Variants in SPG7 observed in about 807,000 individuals in gnomAD.
The protein encoded by SPG7 is mitochondrial inner membrane m-AAA protease component paraplegin.
Under a neutral mutation model 81.9 loss-of-function variants are expected in SPG7, and 103 were observed. The observed-to-expected ratio is 1.26, with a 90% CI of 1.07 to 1.48. SPG7 has a LOEUF of 1.48. Ranked by LOEUF, SPG7 falls within the 40% of genes most tolerant of loss-of-function variation. SPG7 has a pLI of 0.00. For synonymous variants in SPG7, 534 were observed against 444.2 expected (o/e 1.20, Z -2.54); for missense variants, 1,241 against 1,087.3 (o/e 1.14, Z -1.99).
intron 10 of SPG7, chr16:89,545,179 G>GCGTGGGCTCTGGGGA (rs1457710848): frequency 8.7e-6 from 3 of 345,368 alleles, no homozygotes; most frequent in African/African-American, 6.4e-5. Context: ...TCCATCCGTA[G>GCGTGGGCTCTGGGGA]CGTGGGCTCT....
Position 89,508,456 on chromosome 16 carries a change from G to A in SPG7, c.39G>A (p.Arg13=). 2.0e-6 allele frequency: 3 copies of A among 1,504,408 alleles called. No individual in the cohort carries two copies. Among genetic ancestry groups the A allele is most frequent in the Non-Finnish European group, 2.6e-6 (3 of 1,133,688 alleles). 93.2% of individuals were successfully genotyped at this position (1,504,408 alleles called of 1,614,324 possible). A position where few individuals can be genotyped will look rare whatever the true frequency, so the allele number is the denominator to read the frequency against. ...TGCTGCTGCTCCGTGCCCTCCGCCGGGGTCCAGGCCCGGGTCCTCGGCCGC... is the reference window on the plus strand; with the variant it reads ...TGCTGCTGCTCCGTGCCCTCCGCCGAGGTCCAGGCCCGGGTCCTCGGCCGC... ...VLLLLLRALR[R]GPGPGPRPLW... Residue 13 remains arginine (R), a synonymous_variant, in exon 1 of 17, where the codon CGG becomes CGA. Coordinates refer to ENST00000645818, the MANE Select transcript of SPG7 (RefSeq NM_003119.4).
At chr16:89,510,234 C>G (rs1166941723) in intron 1 of SPG7, among the ~76,000 whole-genome samples, 1 of 152,090 alleles carries the variant, frequency 6.6e-6, no homozygotes, top group African/African-American at 2.4e-5. Flanking sequence ...CTCAGCCTCC[C>G]AAAGTGTTGG....
intron 3 of SPG7, among the ~76,000 whole-genome samples, chr16:89,516,288 G>A (rs1007619170): frequency 5.3e-5 from 8 of 151,480 alleles, no homozygotes; most frequent in African/African-American, 9.7e-5. Flanking sequence ...ACGCCCGGCC[G>A]TTCGTTTTTT....
intron 11 of SPG7, 193 bp downstream of exon 11, chr16:89,546,953 G>A (rs1253824172): frequency 2.0e-5 from 12 of 597,540 alleles, no homozygotes; most frequent in Non-Finnish European, 3.1e-5. Context: ...CCCGCACTCC[G>A]TCCTCCGCCC....
At chr16:89,545,270 C>T (rs1214591688) in intron 10 of SPG7, 2 of 261,930 alleles carry the variant, frequency 7.6e-6, no homozygotes, top group African/African-American at 4.5e-5. Flanking sequence ...CCTCCTCTGT[C>T]ACAGGGCTCT....
intron 16 of SPG7, 200 bp downstream of exon 16, chr16:89,554,763 A>G: frequency 3.4e-6 from 2 of 583,494 alleles, no homozygotes; most frequent in South Asian, 1.9e-5. Flanking sequence ...TGTTCCCCCG[A>G]GGTAGAAAGA....
intron 9 of SPG7, chr16:89,532,844 G>A (rs544655046): frequency 1.2e-5 from 7 of 608,018 alleles, no homozygotes; most frequent in South Asian, 9.3e-5. Context: ...AGCACTTTGG[G>A]AGGCCAAGAC....
At chr16:89,524,315 G>A in intron 4 of SPG7, 68 bp downstream of exon 4, 1 of 1,543,938 alleles carries the variant, frequency 6.5e-7, no homozygotes, top group Non-Finnish European at 8.8e-7. Flanking sequence ...TGAGAGTGAG[G>A]CTGTGGGCTC....
chr16:89,555,193 G>A (rs966698662), intron 16 of SPG7: 1 of 152,192 alleles, frequency 6.6e-6, no homozygotes, highest in Admixed American at 6.5e-5. Flanking sequence ...GCATTCTCCT[G>A]TCTCAGCCTC....
chr16:89,548,213 C>T (rs1597658681), intron 12 of SPG7, 100 bp downstream of exon 12: 1 of 809,856 alleles, frequency 1.2e-6, no homozygotes, highest in Non-Finnish European at 2.1e-6. Context: ...GGAACCATCA[C>T]ACAGGAAGGA....
In SPG7 at chr16:89,508,598, C is replaced by G. The variant is rs1428816171; in HGVS notation, c.181C>G (p.Gln61Glu). The G allele has an allele frequency of 3.4e-6, 5 of 1,465,532 alleles. No individual in the cohort carries two copies. In the Admixed American group the frequency reaches 1.2e-4, roughly 36 times the overall value. The allele number at this position is 1,465,532 out of a possible 1,614,324, so 90.8% of individuals were successfully genotyped here. ...DLAEAGGRALQSLQLRLLTPT... is the reference protein window; with the variant it reads ...DLAEAGGRALESLQLRLLTPT... ...CGCCGAGGCTGGAGGCCGAGCTCTG[C>G]AGGTAAATCCCCGCGGAGTCCGGGC... The change falls in exon 1 of 17, where the codon CAG (glutamine) becomes GAG (glutamate). Residue 61 changes from glutamine (Q) to glutamate (E), a missense_variant and splice_region_variant. Physicochemically the swap from Gln to Glu is conservative, Grantham distance 29 (BLOSUM62 2). Transcript: ENST00000645818.
At chr16:89,544,838 G>A (rs1331527329) in intron 10 of SPG7, 66 bp downstream of exon 10, 54 of 1,590,684 alleles carry the variant, frequency 3.4e-5, no homozygotes, top group Non-Finnish European at 4.6e-5. Flanking sequence ...TGAGTGGTCT[G>A]GCCTCTCCTC....
At chr16:89,536,868 A>G (rs2058432037) in intron 9 of SPG7, 2 of 1,614,178 alleles carry the variant, frequency 1.2e-6, no homozygotes, top group Middle Eastern at 1.6e-4. Context: ...CACGGAGGGC[A>G]ATGGAGGGTC....
intron 3 of SPG7, chr16:89,517,900 T>G (rs1478142440): frequency 6.6e-6 from 1 of 152,268 alleles, no homozygotes; most frequent in Non-Finnish European, 1.5e-5. Context: ...ATTATAGGCG[T>G]GAGCCACCAC....
At chr16:89,512,299 C>T (rs943072271) in intron 2 of SPG7, among the ~76,000 whole-genome samples, 1 of 151,382 alleles carries the variant, frequency 6.6e-6, no homozygotes, top group Non-Finnish European at 1.5e-5. Context: ...GGTGGCTGGG[C>T]TGCTGCTGTT....
chr16:89,512,566 C>G (rs1402328045), intron 2 of SPG7, among the ~76,000 whole-genome samples: 1 of 152,252 alleles, frequency 6.6e-6, no homozygotes, highest in African/African-American at 2.4e-5. Flanking sequence ...CTGCCTCGGT[C>G]TCCCAAAGTG....
intron 9 of SPG7, among the ~76,000 whole-genome samples, chr16:89,535,562 A>G (rs2058402911): frequency 6.6e-6 from 1 of 152,226 alleles, no homozygotes; most frequent in Admixed American, 6.5e-5. Flanking sequence ...CTGCACACAC[A>G]GCAAGTGGTC....
intron 16 of SPG7, chr16:89,556,390 C>G (rs762801273): frequency 1.1e-5 from 3 of 278,114 alleles, no homozygotes; most frequent in Non-Finnish European, 2.0e-5. Context: ...TTTCTGTGGT[C>G]TGGCCAGGCC....
At chr16:89,548,852 G>T in intron 12 of SPG7, 1 of 438,174 alleles carries the variant, frequency 2.3e-6, no homozygotes, top group Non-Finnish European at 4.6e-6. Context: ...TTGAACGTTT[G>T]AAAAGGGAAG....
Sources: allele counts gnomAD v4.1 joint callset (sites outside exome capture counted in the v4.1 genomes callset), GRCh38; gene constraint gnomAD v4.1.1; transcripts MANE v1.5; gene names NCBI Gene and HGNC (gene_info 2026-07-23, HGNC 2026-07-21).